The following CASC3 variants were observed in gnomAD, a reference collection of about 807,000 sequenced individuals.
CASC3 encodes protein CASC3.
CASC3 carries 30 observed loss-of-function variants against 80.5 expected under a neutral mutation model. The observed-to-expected ratio is 0.37, with a 90% CI of 0.28 to 0.51. The LOEUF is 0.51. Ranked by LOEUF, CASC3 falls within the 20% of genes least tolerant of loss-of-function variation. The pLI is 0.94. For missense variants in CASC3, 824 were observed against 922.2 expected, an observed-to-expected ratio of 0.89 and a Z score of 1.38; for synonymous variants, 312 against 333.6, an observed-to-expected ratio of 0.94 and a Z score of 0.70.
chr17:40,163,453 A>G, intron 6 of CASC3, 28 bp from the exon 7 acceptor site: 1 of 1,578,316 alleles, frequency 6.3e-7, no homozygotes, highest in Non-Finnish European at 8.6e-7. Flanking sequence ...TTAATTTCCT[A>G]ACAGTTTCTT....
chr17:40,162,424 G>T (rs756749526), intron 5 of CASC3, among the ~76,000 whole-genome samples: 1 of 152,180 alleles, frequency 6.6e-6, no homozygotes, highest in Middle Eastern at 3.4e-3. Flanking sequence ...AGGCGTCTGA[G>T]AAGTGAAATA....
intron 3 of CASC3, among the ~76,000 whole-genome samples, chr17:40,145,407 C>T (rs1166278263): frequency 2.8e-5 from 4 of 143,984 alleles, no homozygotes; most frequent in Non-Finnish European, 4.6e-5. Flanking sequence ...CTCTTGACGT[C>T]GTGATCCACC....
At position 40,140,748 on chromosome 17, in the gene CASC3, G is replaced by T; in HGVS notation, c.200G>T (p.Gly67Val). The change falls in exon 1 of 14, where the codon GGG (glycine) becomes GTG (valine). Residue 67 changes from glycine to valine, a missense_variant. Around this residue, in one of 3 missense-constraint regions of CASC3, gnomAD observed 159 missense variants for 122.2 expected, o/e 1.30. Transcript: ENST00000264645. Reference protein sequence around the residue: ...GALHLRRVESGGAKSAEESEC... With the variant: ...GALHLRRVESVGAKSAEESEC... ...CTTCATCTGCGGCGGGTGGAGAGCGGGGGCGCCAAGAGTGCTGAGGAGTCG... is the reference window on the plus strand; with the variant it reads ...CTTCATCTGCGGCGGGTGGAGAGCGTGGGCGCCAAGAGTGCTGAGGAGTCG... The T allele has an allele frequency of 1.3e-6, 2 of 1,527,026 alleles. No homozygotes were observed. Among genetic ancestry groups the T allele is most frequent in the South Asian group, 1.2e-5 (1 of 80,214 alleles). The allele number at this position is 1,527,026 out of a possible 1,614,324, so 94.6% of individuals were successfully genotyped here.
rs8076176 is a variant in CASC3, at chr17:40,160,726, C to T, written c.298-1027C>T. 5.2e-3 allele frequency among the ~76,000 whole-genome samples: 786 copies of T among 151,966 alleles called. 10 individuals are homozygous for T. Among genetic ancestry groups the T allele is most frequent in the African/African-American group, 0.018 (747 of 41,448 alleles). On this transcript the variant is annotated intron_variant, in intron 3 of 13. Transcript: ENST00000264645. ...CAAACTTGGCTCACTGCAACCTCCG[C>T]CTCCCGGCTAATTTTTGTATTTTTA... is the stretch of plus-strand genomic sequence containing the variant.
chr17:40,140,728 T>C lies in CASC3; in HGVS notation c.180T>C (p.His60=), dbSNP rs777582439. The change falls in exon 1 of 14, where the codon CAT becomes CAC. Residue 60 remains histidine, a synonymous_variant. Coordinates refer to ENST00000264645, the MANE Select transcript of CASC3 (RefSeq NM_007359.5). Reference sequence around the variant, plus strand: ...GCGGAGGCCGAACCGGGGCCCTTCATCTGCGGCGGGTGGAGAGCGGGGGCG... The same window carrying C: ...GCGGAGGCCGAACCGGGGCCCTTCACCTGCGGCGGGTGGAGAGCGGGGGCG... ...SQRGGRTGAL[H]LRRVESGGAK... The C allele has an allele frequency of 1.2e-5, 19 of 1,529,148 alleles. No homozygotes were observed. The highest frequency in any genetic ancestry group is 2.0e-5 in the Admixed American group (1 of 48,844). The allele number at this position is 1,529,148 out of a possible 1,614,324, so 94.7% of individuals were successfully genotyped here.
chr17:40,163,297 G>T (rs568607016), intron 6 of CASC3, among the ~76,000 whole-genome samples, 184 bp from the exon 7 acceptor site: 2 of 151,954 alleles, frequency 1.3e-5, no homozygotes, highest in Non-Finnish European at 2.9e-5. Flanking sequence ...ATCGCGATCG[G>T]CTAATTTTTG....
chr17:40,168,619 T>C, intron 11 of CASC3: 1 of 560,894 alleles, frequency 1.8e-6, no homozygotes. Context: ...TTTCAGTTTT[T>C]TTCTCCGTTG....
At chr17:40,151,712 A>AAAGG (rs1280250416) in intron 3 of CASC3, among the ~76,000 whole-genome samples, 1 of 151,614 alleles carries the variant, frequency 6.6e-6, no homozygotes, top group Non-Finnish European at 1.5e-5. Context: ...AAAAAAAAAA[A>AAAGG]AAGGAAGGAA....
chr17:40,148,404 G>A (rs188224669), intron 3 of CASC3, among the ~76,000 whole-genome samples: 26 of 151,152 alleles, frequency 1.7e-4, no homozygotes, highest in African/African-American at 5.8e-4. Flanking sequence ...TCACTCTGTC[G>A]CCCAGACTGG....
Position 40,164,003 on chromosome 17 carries a change from A to G in CASC3, c.1308A>G (p.Pro436=), listed in dbSNP as rs367778989. ...PPPEGLIPAP[P]VPETTPTPPT... is the part of the protein sequence containing the mutation. ...CTGAAGGACTGATTCCAGCACCTCC[A>G]GTCCCAGAAACCACCCCAACTCCAC... The change falls in exon 7 of 14, where the codon CCA becomes CCG. Residue 436 remains proline, a synonymous_variant. Transcript: ENST00000264645. The G allele has an allele frequency of 6.2e-7, 1 of 1,614,086 alleles. No individual in the cohort carries two copies. The highest frequency in any genetic ancestry group is 1.3e-5 in the African/African-American group (1 of 75,044).
chr17:40,147,624 C>A (rs1377995427), intron 3 of CASC3, among the ~76,000 whole-genome samples: 1 of 151,900 alleles, frequency 6.6e-6, no homozygotes, highest in Non-Finnish European at 1.5e-5. Context: ...CCAGCCTGGA[C>A]AACAAAGTGA....
chr17:40,141,052 C>G (rs911651902), intron 1 of CASC3, 155 bp from the exon 2 acceptor site: 1 of 730,134 alleles, frequency 1.4e-6, no homozygotes, highest in Non-Finnish European at 2.4e-6. Flanking sequence ...GGAGACCAGA[C>G]CTGCCTTGGC....
At chr17:40,140,834 C>T in intron 1 of CASC3, 55 bp downstream of exon 1, 1 of 193,288 alleles carries the variant, frequency 5.2e-6, no homozygotes. Flanking sequence ...CGGCCGGGGG[C>T]GGGGTGTAGG....
intron 5 of CASC3, 124 bp downstream of exon 5, chr17:40,162,277 G>A (rs145678926): frequency 3.4e-5 from 35 of 1,037,792 alleles, no homozygotes; most frequent in African/African-American, 2.9e-4. Flanking sequence ...TATCCTTATC[G>A]TACAAATGAG....
At position 40,162,017 on chromosome 17, in the gene CASC3, G is replaced by A; in HGVS notation, c.472G>A (p.Val158Met). ...SGDGQESTEPVENKVGKKGPK... is the reference protein window; with the variant it reads ...SGDGQESTEPMENKVGKKGPK... The stretch of plus-strand genomic sequence containing the variant: ...TGTCCTCTAGGAGAGCACAGAGCCT[G>A]TGGAGAACAAAGTGGGTAAAAAGGG... The change falls in exon 5 of 14, where the codon GTG becomes ATG. Residue 158 changes from valine (V) to methionine (M), a missense_variant. Transcript: ENST00000264645. 3 of 1,614,048 alleles carry A rather than the reference G, an allele frequency of 1.9e-6. No individual in the cohort carries two copies. Among genetic ancestry groups the A allele is most frequent in the Non-Finnish European group, 2.5e-6 (3 of 1,179,986 alleles).
chr17:40,168,858 G>A lies in CASC3; in HGVS notation c.1965+441G>A. ...ACCTGCCTCGGCCTCCGAAAGTGCT[G>A]GGATTACAGGCATAAGCCACCGCAC... On this transcript the variant is annotated intron_variant, in intron 11 of 13. Coordinates refer to ENST00000264645, the MANE Select transcript of CASC3 (RefSeq NM_007359.5). The A allele has an allele frequency of 9.1e-6, 2 of 220,054 alleles. 1 individual carries two copies. The highest frequency in any genetic ancestry group is 1.2e-4 in the South Asian group (2 of 16,434). The allele number at this position is 220,054 out of a possible 1,614,324, so 13.6% of individuals were successfully genotyped here. A position where few individuals can be genotyped will look rare whatever the true frequency, so the allele number is the denominator to read the frequency against.
Position 40,171,520 on chromosome 17 carries a change from A to G in CASC3, c.*1115A>G. On this transcript the variant is annotated 3_prime_UTR_variant, in exon 14 of 14. Coordinates refer to ENST00000264645, the MANE Select transcript of CASC3 (RefSeq NM_007359.5). ...TCCTGCTACAAGTGTTTTAGATGTT[A>G]CTACCTTATTTTCCCCGAATTCTAT... 1 of 989,126 alleles carries G rather than the reference A, an allele frequency of 1.0e-6. No individual in the cohort carries two copies. The highest frequency in any genetic ancestry group is 4.6e-5 in the South Asian group (1 of 21,542). The allele number at this position is 989,126 out of a possible 1,614,324, so 61.3% of individuals were successfully genotyped here. A position where few individuals can be genotyped will look rare whatever the true frequency, so the allele number is the denominator to read the frequency against.
At chr17:40,149,022 C>T (rs763222766) in intron 3 of CASC3, among the ~76,000 whole-genome samples, 16 of 151,964 alleles carry the variant, frequency 1.1e-4, no homozygotes, top group Non-Finnish European at 2.1e-4. Flanking sequence ...ATTACAGGTG[C>T]GTGCCACCAT....
Position 40,140,569 on chromosome 17 carries a change from G to T in CASC3, c.21G>T (p.Gln7His). 1 of 1,608,676 alleles carries T rather than the reference G, an allele frequency of 6.2e-7. No homozygotes were observed. Among genetic ancestry groups the T allele is most frequent in the Non-Finnish European group, 8.5e-7 (1 of 1,179,622 alleles). Residue 7 changes from glutamine to histidine, a missense_variant, in exon 1 of 14, where the codon CAG becomes CAT. Physicochemically the swap from Gln to His is conservative, Grantham distance 24 (BLOSUM62 0). Coordinates refer to ENST00000264645, the MANE Select transcript of CASC3 (RefSeq NM_007359.5). MADRRR[Q>H]RASQDTEDEE... ...GTAAGATGGCGGACCGGCGGCGGCA[G>T]CGCGCTTCGCAAGACACCGAGGACG...
Sources: gnomAD v4.1 joint callset for allele counts (sites outside exome capture counted in the v4.1 genomes callset) on GRCh38, gnomAD v4.1.1 for gene constraint, gnomAD v4.1.1 regional missense constraint, MANE v1.5 for transcripts, NCBI Gene and HGNC (gene_info 2026-07-23, HGNC 2026-07-21) for gene names.